Variants in TULP4 observed in about 807,000 individuals in gnomAD.
The protein encoded by TULP4 is TUB like protein 4.
A neutral mutation model predicts 129.0 loss-of-function variants in TULP4; 16 were observed. The ratio of observed to expected loss-of-function variants is 0.12; its 90% CI spans 0.08 to 0.19. The LOEUF is 0.19. Among genes scored for constraint, TULP4 ranks in the 10% least tolerant of loss-of-function variants. TULP4 has a pLI of 1.00. For synonymous variants in TULP4, 998 were observed against 854.0 expected (o/e 1.17, Z -2.94); for missense variants, 1,842 against 2,059.1 (o/e 0.89, Z 2.04).
At chr6:158,341,582 C>T (rs1021555163) in intron 1 of TULP4, among the ~76,000 whole-genome samples, 1 of 152,086 alleles carries the variant, frequency 6.6e-6, no homozygotes, top group Non-Finnish European at 1.5e-5. Flanking sequence ...CTGTTATTGC[C>T]TTTCTTCTTG....
intron 1 of TULP4, among the ~76,000 whole-genome samples, chr6:158,240,059 C>T (rs1427267660): frequency 2.1e-3 from 187 of 89,610 alleles, no homozygotes; most frequent in Middle Eastern, 9.4e-3. Flanking sequence ...CCCCACCTCC[C>T]TCCCGGACGG....
chr6:158,348,863 C>T (rs1780388769), intron 1 of TULP4, among the ~76,000 whole-genome samples: 1 of 146,756 alleles, frequency 6.8e-6, no homozygotes, highest in Non-Finnish European at 1.5e-5. Flanking sequence ...CTCCTCACTT[C>T]CCAGATGGGG....
At chr6:158,246,780 C>G (rs187935604) in intron 1 of TULP4, among the ~76,000 whole-genome samples, 1 of 152,196 alleles carries the variant, frequency 6.6e-6, no homozygotes, top group Admixed American at 6.5e-5. Context: ...GCAGAAATAA[C>G]AGTCTCTATA....
intron 1 of TULP4, among the ~76,000 whole-genome samples, chr6:158,341,395 A>T (rs1780177715): frequency 6.6e-6 from 1 of 152,216 alleles, no homozygotes; most frequent in Admixed American, 6.5e-5. Context: ...TACAGTAAAC[A>T]TGGGAGTACA....
intron 1 of TULP4, among the ~76,000 whole-genome samples, chr6:158,391,871 A>G (rs1215320409): frequency 6.6e-6 from 1 of 152,202 alleles, no homozygotes; most frequent in Non-Finnish European, 1.5e-5. Flanking sequence ...AGATGTAAGG[A>G]AGCCACACCA....
At chr6:158,278,940 TG>T (rs369319214), upstream of TULP4, among the ~76,000 whole-genome samples, 111 of 97,534 alleles carry the variant, frequency 1.1e-3, 1 homozygote, top group African/African-American at 3.8e-3. Context: ...TGTTTTTTTT[TG>T]TTTTTTTTTT....
In TULP4 at chr6:158,511,224, T is replaced by A. The variant is rs1453411531; in HGVS notation, c.*4530T>A. On this transcript the variant is annotated 3_prime_UTR_variant, in exon 14 of 14. Coordinates refer to ENST00000367097, the MANE Select transcript of TULP4 (RefSeq NM_020245.5). ...TCTTGTTGTTTATTGTAGATAAAAA[T>A]TTTTTCGTGTTGTAGAAAAGCATGG... 2.0e-5 allele frequency: 3 copies of A among 152,534 alleles called. No homozygotes were observed. Among genetic ancestry groups the A allele is most frequent in the Non-Finnish European group, 4.4e-5 (3 of 67,984 alleles). 9.4% of individuals were successfully genotyped at this position (152,534 alleles called of 1,614,324 possible).
chr6:158,491,700 C>G (rs1780214989), intron 9 of TULP4, among the ~76,000 whole-genome samples: 1 of 151,714 alleles, frequency 6.6e-6, no homozygotes, highest in Admixed American at 6.6e-5. Context: ...ACCATGTTAG[C>G]CAGGATGGTC....
At chr6:158,326,525 C>T (rs1779752808) in intron 1 of TULP4, among the ~76,000 whole-genome samples, 1 of 152,116 alleles carries the variant, frequency 6.6e-6, no homozygotes, top group South Asian at 2.1e-4. Flanking sequence ...TGGTTAAACT[C>T]CTTTTTGTTG....
intron 8 of TULP4, among the ~76,000 whole-genome samples, chr6:158,482,122 T>C (rs1394741024): frequency 6.6e-6 from 1 of 152,114 alleles, no homozygotes; most frequent in East Asian, 1.9e-4. Flanking sequence ...GTGCCCTCAG[T>C]GGATTTGGAT....
In TULP4 at chr6:158,493,082, C is replaced by T. The variant is rs559217426; in HGVS notation, c.1632-491C>T. On this transcript the variant is annotated intron_variant, in intron 9 of 13. Transcript: ENST00000367097. The surrounding 1 kb of genome is among the most constrained non-coding windows in gnomAD (Gnocchi z 4.4). ...CAGGACTGATTGTGCAGGCCCCTGGCAGAAGGCCATTTCCACGCTTGCTCC... is the reference window on the plus strand; with the variant it reads ...CAGGACTGATTGTGCAGGCCCCTGGTAGAAGGCCATTTCCACGCTTGCTCC... 1.3e-5 allele frequency among the ~76,000 whole-genome samples: 2 copies of T among 152,366 alleles called. No individual in the cohort carries two copies. Among genetic ancestry groups the T allele is most frequent in the East Asian group, 3.9e-4 (2 of 5,186 alleles).
At chr6:158,476,707 A>G (rs1484018446) in intron 6 of TULP4, among the ~76,000 whole-genome samples, 1 of 152,124 alleles carries the variant, frequency 6.6e-6, no homozygotes, top group Non-Finnish European at 1.5e-5. Flanking sequence ...TTCTATAGAC[A>G]TGTTTGGTTT....
At chr6:158,496,895 TAG>T (rs1429672785) in intron 11 of TULP4, among the ~76,000 whole-genome samples, 1 of 152,214 alleles carries the variant, frequency 6.6e-6, no homozygotes, top group Non-Finnish European at 1.5e-5. Context: ...TCACCCATGC[TAG>T]AGTGCAGTGG....
intron 1 of TULP4, among the ~76,000 whole-genome samples, chr6:158,411,067 G>A (rs554969739): frequency 7.6e-4 from 114 of 150,820 alleles, no homozygotes; most frequent in South Asian, 3.2e-3. Flanking sequence ...GGCTCCAGCC[G>A]GTTGTCCTGG....
intron 1 of TULP4, among the ~76,000 whole-genome samples, chr6:158,241,453 C>T (rs1009425154): frequency 2.0e-5 from 3 of 150,280 alleles, no homozygotes; most frequent in Non-Finnish European, 3.0e-5. Flanking sequence ...AGCCTGGGCA[C>T]CATTGAGCAC....
intron 1 of TULP4, among the ~76,000 whole-genome samples, chr6:158,260,500 C>CG (rs1245371935): frequency 6.7e-5 from 10 of 148,808 alleles, no homozygotes; most frequent in Admixed American, 1.4e-4. Context: ...GGCATGAACC[C>CG]GGGGGGCGGA....
chr6:158,346,757 C>A (rs1371529262), intron 1 of TULP4, among the ~76,000 whole-genome samples: 1 of 152,090 alleles, frequency 6.6e-6, no homozygotes. Context: ...CCCCTTTAGC[C>A]ACTCTTCCTT....
chr6:158,364,540 G>A (rs1317930775), intron 1 of TULP4, among the ~76,000 whole-genome samples: 2 of 152,056 alleles, frequency 1.3e-5, no homozygotes. Flanking sequence ...GGAATTCTGG[G>A]TTAGCTGGTT....
At chr6:158,276,688 C>G (rs1274772761) in intron 1 of TULP4, among the ~76,000 whole-genome samples, 1 of 152,102 alleles carries the variant, frequency 6.6e-6, no homozygotes, top group African/African-American at 2.4e-5. Flanking sequence ...GCCCAGCACT[C>G]TGTTTTTAAA....
Sources: gnomAD v4.1 joint callset for allele counts (sites outside exome capture counted in the v4.1 genomes callset) on GRCh38, gnomAD v4.1.1 for gene constraint, Gnocchi (gnomAD v3.1) non-coding constraint, MANE v1.5 for transcripts, NCBI Gene and HGNC (gene_info 2026-07-23, HGNC 2026-07-21) for gene names.